Variants in SMIM7 observed in about 807,000 individuals in gnomAD.
SMIM7 encodes small integral membrane protein 7, also known as UPF0608 protein C19orf42.
Under a neutral mutation model 13.3 loss-of-function variants are expected in SMIM7, and 12 were observed. That is an observed-to-expected ratio of 0.90 (90% CI 0.58 to 1.46). The LOEUF (loss-of-function observed/expected upper bound fraction) is 1.46, where lower values mean the gene tolerates loss of function less well. SMIM7 is among the 40% of genes most tolerant of loss of function. SMIM7 has a pLI of 0.00. For synonymous variants in SMIM7, 36 were observed against 35.8 expected (o/e 1.01, Z -0.02); for missense variants, 114 against 94.8 (o/e 1.20, Z -0.84).
At chr19:16,644,725 CTG>C (rs1479922900), downstream of SMIM7, 1 of 152,290 alleles carries the variant, frequency 6.6e-6, no homozygotes, top group Non-Finnish European at 1.5e-5. Flanking sequence ...GCGCTGGCCT[CTG>C]TTTGCAATTC....
chr19:16,642,812 T>A (rs1473560829), downstream of SMIM7, among the ~76,000 whole-genome samples: 1 of 149,938 alleles, frequency 6.7e-6, no homozygotes, highest in Non-Finnish European at 1.5e-5. Context: ...GGCAACAGAG[T>A]GAGACCTTAT....
chr19:16,651,074 G>A (rs939082496), intron 4 of SMIM7, among the ~76,000 whole-genome samples: 1 of 152,174 alleles, frequency 6.6e-6, no homozygotes, highest in South Asian at 2.1e-4. Context: ...TCCTTCCCCT[G>A]TTCTTGGACA....
intron 3 of SMIM7, among the ~76,000 whole-genome samples, chr19:16,656,090 C>T (rs1036270598): frequency 1.3e-5 from 2 of 152,126 alleles, no homozygotes; most frequent in East Asian, 1.9e-4. Flanking sequence ...GCCAATCAAA[C>T]GTTACTCATT....
chr19:16,659,521 A>G (rs2086644237), intron 2 of SMIM7, 74 bp from the exon 3 acceptor site: 4 of 1,474,808 alleles, frequency 2.7e-6, no homozygotes, highest in Non-Finnish European at 3.7e-6. Context: ...CCAGCTCAGA[A>G]GGCCACAAAC....
At chr19:16,653,899 A>G in intron 4 of SMIM7, 136 bp downstream of exon 4, 1 of 755,384 alleles carries the variant, frequency 1.3e-6, no homozygotes, top group Non-Finnish European at 2.1e-6. Flanking sequence ...CATCTCAAAC[A>G]AAACAAAAAA....
At chr19:16,654,655 T>A (rs910819737) in intron 3 of SMIM7, among the ~76,000 whole-genome samples, 2 of 152,014 alleles carry the variant, frequency 1.3e-5, no homozygotes, top group African/African-American at 4.8e-5. Flanking sequence ...GTGTTGAGAT[T>A]ACAGGCATGA....
intron 2 of SMIM7, 87 bp from the exon 3 acceptor site, chr19:16,659,534 T>A: frequency 1.5e-6 from 2 of 1,377,238 alleles, no homozygotes; most frequent in Non-Finnish European, 2.0e-6. Flanking sequence ...CCACAAACAC[T>A]AAGTTTCAGC....
chr19:16,635,888 A>AC (rs1005010532), intron 4 of SMIM7, among the ~76,000 whole-genome samples: 5 of 133,250 alleles, frequency 3.8e-5, no homozygotes, highest in African/African-American at 1.5e-4. Flanking sequence ...TGTCTCAAAA[A>AC]AAAAAAAAAA....
intron 4 of SMIM7, among the ~76,000 whole-genome samples, chr19:16,647,629 T>C (rs1365217604): frequency 1.3e-5 from 2 of 151,508 alleles, no homozygotes; most frequent in Non-Finnish European, 2.9e-5. Context: ...TTAATTTTTG[T>C]ATTTTTAGTA....
At chr19:16,640,032 C>G (rs189265619) in intron 4 of SMIM7, 1 of 152,136 alleles carries the variant, frequency 6.6e-6, no homozygotes, top group Non-Finnish European at 1.5e-5. Context: ...TCAATGCAAC[C>G]TCCACTTTCC....
Position 16,646,966 on chromosome 19 carries a change from G to A in SMIM7, c.*280C>T, listed in dbSNP as rs1305065033. On this transcript the variant is annotated 3_prime_UTR_variant, in exon 5 of 5. Coordinates refer to ENST00000487416, the MANE Select transcript of SMIM7 (RefSeq NM_024104.4). ...AGAAATGATTTTTCTTTTATCTATG[G>A]GGAATGCAATTTCATCACAGCCCCT... 1.9e-6 allele frequency: 1 copy of A among 530,460 alleles called. No homozygotes were observed. The highest frequency in any genetic ancestry group is 3.1e-5 in the East Asian group (1 of 31,788). 32.9% of individuals were successfully genotyped at this position (530,460 alleles called of 1,614,324 possible).
exon 5 of SMIM7, chr19:16,631,401 T>C (rs2086320600): frequency 1.3e-5 from 2 of 151,366 alleles, no homozygotes; most frequent in Non-Finnish European, 2.9e-5. Context: ...TAAAATAAAA[T>C]AAAATAAATA....
chr19:16,632,569 G>A (rs573580234), intron 4 of SMIM7, among the ~76,000 whole-genome samples: 6 of 136,266 alleles, frequency 4.4e-5, no homozygotes, highest in South Asian at 4.5e-4. Context: ...GCAGAGTCTC[G>A]CTTTGTTGCC....
At chr19:16,648,560 T>A (rs1030146617) in intron 4 of SMIM7, among the ~76,000 whole-genome samples, 6 of 152,160 alleles carry the variant, frequency 3.9e-5, no homozygotes, top group Non-Finnish European at 7.3e-5. Flanking sequence ...ATAACGAGAA[T>A]ACACAAAGAA....
At chr19:16,653,463 A>G (rs1252644887) in intron 4 of SMIM7, among the ~76,000 whole-genome samples, 6 of 151,886 alleles carry the variant, frequency 4.0e-5, no homozygotes, top group Non-Finnish European at 5.9e-5. Flanking sequence ...GGCACCTGTA[A>G]TCCCAGCTAC....
rs375558591 is a variant in SMIM7 at position 16,638,301 on chromosome 19, C to CTTTTTT, written c.*138-6583_*138-6578dup. Among the ~76,000 whole-genome samples, 9 of 122,764 alleles carry CTTTTTT rather than the reference C, an allele frequency of 7.3e-5. 1 individual carries two copies. Among genetic ancestry groups the CTTTTTT allele is most frequent in the East Asian group, 2.4e-4 (1 of 4,244 alleles). The allele number at this position is 122,764 out of a possible 152,430, so 80.5% of individuals were successfully genotyped here. A position where few individuals can be genotyped will look rare whatever the true frequency, so the allele number is the denominator to read the frequency against. On this transcript the variant is annotated intron_variant and NMD_transcript_variant, in intron 4 of 4. Coordinates refer to the SMIM7 transcript ENST00000465250. ...GGCAATTAAACCTCTTTTCTTTTTT[C>CTTTTTT]TTTTTTTTTTTTTTTTTTTGAGACA...
Position 16,654,084 on chromosome 19 carries a change from G to GAT in SMIM7, c.162_163insAT (p.Arg55IlefsTer12). The stretch of plus-strand genomic sequence containing the variant: ...ATGTTCCACAGGGCGATGAAGATTC[G>GAT]AAAGTATCTGAGGCTCAGCAAGAAT... On this transcript the variant is annotated frameshift_variant, in exon 4 of 5. Transcript: ENST00000487416. LOFTEE classifies it high-confidence loss of function. The GAT allele has an allele frequency of 6.2e-7, 1 of 1,614,074 alleles. No homozygotes were observed. The highest frequency in any genetic ancestry group is 8.5e-7 in the Non-Finnish European group (1 of 1,180,012).
intron 4 of SMIM7, chr19:16,634,386 G>C (rs1164377940): frequency 6.6e-6 from 1 of 152,112 alleles, no homozygotes; most frequent in African/African-American, 2.4e-5. Flanking sequence ...GAATGCAGTG[G>C]AAACCATGCT....
chr19:16,647,210 C>A lies in SMIM7; in HGVS notation c.*36G>T. ...GAATGGAGGAATGGAGACTCGGCATCCCGGGAAAGTGAGTTCCTGGTTTCA... is the reference window on the plus strand; with the variant it reads ...GAATGGAGGAATGGAGACTCGGCATACCGGGAAAGTGAGTTCCTGGTTTCA... On this transcript the variant is annotated 3_prime_UTR_variant, in exon 5 of 5. Coordinates refer to ENST00000487416, the MANE Select transcript of SMIM7 (RefSeq NM_024104.4). 6.2e-7 allele frequency: 1 copy of A among 1,613,748 alleles called. No individual in the cohort carries two copies. Among genetic ancestry groups the A allele is most frequent in the Non-Finnish European group, 8.5e-7 (1 of 1,179,886 alleles).
Sources: gnomAD v4.1 joint callset for allele counts (sites outside exome capture counted in the v4.1 genomes callset) on GRCh38, gnomAD v4.1.1 for gene constraint, MANE v1.5 for transcripts, NCBI Gene and HGNC (gene_info 2026-07-23, HGNC 2026-07-21) for gene names.